Variants in SLC7A9 observed in about 807,000 individuals in gnomAD.
SLC7A9 encodes the protein solute carrier family 7 member 9, also known as B(0,+)-type amino acid transporter 1.
SLC7A9 carries 38 observed loss-of-function variants against 54.1 expected under a neutral mutation model. The observed-to-expected ratio is 0.70, with a 90% CI of 0.54 to 0.92. SLC7A9 has a LOEUF of 0.92. Ranked by LOEUF, SLC7A9 falls within the 40% of genes least tolerant of loss-of-function variation. The pLI is 0.00. For missense variants in SLC7A9, 537 were observed against 636.1 expected, an observed-to-expected ratio of 0.84 and a Z score of 1.68; for synonymous variants, 264 against 258.9, an observed-to-expected ratio of 1.02 and a Z score of -0.19.
Position 32,830,651 on chromosome 19 carries a change from T to G in SLC7A9, c.1433A>C (p.Glu478Ala). 6.2e-7 allele frequency: 1 copy of G among 1,614,062 alleles called. No homozygotes were observed. The highest frequency in any genetic ancestry group is 8.5e-7 in the Non-Finnish European group (1 of 1,179,926). ...PITMHLQMLM[E>A]VVPPEEDPE ...AGGGTCTTCCTCCGGTGGGACCACT[T>G]CCATTAGCATCTGAAGGTGCATGGT... is the stretch of plus-strand genomic sequence containing the variant. Residue 478 changes from glutamate (E) to alanine (A), a missense_variant, in exon 13 of 13, where the codon GAA becomes GCA. Coordinates refer to ENST00000023064, the MANE Select transcript of SLC7A9 (RefSeq NM_014270.5).
At chr19:32,842,876 T>G (rs1393528263) in intron 10 of SLC7A9, among the ~76,000 whole-genome samples, 2 of 152,152 alleles carry the variant, frequency 1.3e-5, no homozygotes, top group East Asian at 3.8e-4. Context: ...GTATGAATAT[T>G]ATACCAGCTT....
intron 6 of SLC7A9, 86 bp downstream of exon 6, chr19:32,862,032 C>G: frequency 1.1e-6 from 1 of 874,286 alleles, no homozygotes; most frequent in South Asian, 1.3e-5. Flanking sequence ...GAAAGGAGAA[C>G]TCATTGTTTT....
At position 32,833,284 on chromosome 19, in the gene SLC7A9, C is replaced by T; in HGVS notation, c.1264G>A (p.Val422Met). The T allele has an allele frequency of 6.2e-7, 1 of 1,614,146 alleles. No homozygotes were observed. Among genetic ancestry groups the T allele is most frequent in the Non-Finnish European group, 8.5e-7 (1 of 1,180,034 alleles). Residue 422 changes from valine (V) to methionine (M), a missense_variant, in exon 12 of 13, where the codon GTG becomes ATG. Coordinates refer to ENST00000023064, the MANE Select transcript of SLC7A9 (RefSeq NM_014270.5). Reference protein sequence around the residue: ...VIPVLMTLISVFLVLAPIISK... With the variant: ...VIPVLMTLISMFLVLAPIISK... ...ATGATTGGAGCCAGAACCAAAAACA[C>T]AGAGATGAGTGTCATCAAGACGGGA... is the stretch of plus-strand genomic sequence containing the variant.
Position 32,864,292 on chromosome 19 carries a change from C to T in SLC7A9, c.282G>A (p.Gly94=). Reference sequence around the variant, plus strand: ...CCTCCATCAGGTAGGGATACTCTCCCCCTGACTTGGTGATCATTGTGCCAA... The same window carrying T: ...CCTCCATCAGGTAGGGATACTCTCCTCCTGACTTGGTGATCATTGTGCCAA... The part of the protein sequence containing the change: ...AELGTMITKS[G]GEYPYLMEAY... Residue 94 remains glycine, a synonymous_variant, in exon 4 of 13, where the codon GGG becomes GGA. Coordinates refer to ENST00000023064, the MANE Select transcript of SLC7A9 (RefSeq NM_014270.5). The T allele has an allele frequency of 6.2e-7, 1 of 1,614,102 alleles. No individual in the cohort carries two copies. The highest frequency in any genetic ancestry group is 8.5e-7 in the Non-Finnish European group (1 of 1,179,990).
chr19:32,853,791 C>T (rs1189786469), intron 9 of SLC7A9, among the ~76,000 whole-genome samples: 1 of 151,860 alleles, frequency 6.6e-6, no homozygotes, highest in Non-Finnish European at 1.5e-5. Flanking sequence ...ATGGTATATG[C>T]CTGTAATCCC....
At chr19:32,855,647 A>G (rs1048915937) in intron 9 of SLC7A9, among the ~76,000 whole-genome samples, 3 of 152,074 alleles carry the variant, frequency 2.0e-5, no homozygotes, top group Non-Finnish European at 4.4e-5. Flanking sequence ...GCTTGCAGTG[A>G]GCCGAGATCA....
intron 9 of SLC7A9, among the ~76,000 whole-genome samples, chr19:32,857,101 G>A (rs1273839984): frequency 1.3e-5 from 2 of 151,668 alleles, no homozygotes. Flanking sequence ...AGTGAGGCGA[G>A]ATCACACCAC....
At chr19:32,865,437 G>T (rs1241001123) in intron 2 of SLC7A9, among the ~76,000 whole-genome samples, 1 of 152,200 alleles carries the variant, frequency 6.6e-6, no homozygotes, top group Non-Finnish European at 1.5e-5. Flanking sequence ...CCAAAGTGCT[G>T]GGATTGCAGG....
chr19:32,838,238 T>C (rs17272197), intron 11 of SLC7A9, among the ~76,000 whole-genome samples: 15,825 of 152,182 alleles, frequency 0.1, 1,025 homozygotes, highest in Middle Eastern at 0.16. Flanking sequence ...TCTGTTTTGT[T>C]TCCCTCCTTT....
At position 32,859,968 on chromosome 19, in the gene SLC7A9, G is replaced by C. The variant is rs1207279408; in HGVS notation, c.750-4C>G. 1.2e-6 allele frequency: 2 copies of C among 1,614,114 alleles called. No individual in the cohort carries two copies. The highest frequency in any genetic ancestry group is 1.6e-4 in the Middle Eastern group (1 of 6,062). On this transcript the variant is annotated splice_polypyrimidine_tract_variant and splice_region_variant and intron_variant, in intron 7 of 12. Coordinates refer to ENST00000023064, the MANE Select transcript of SLC7A9 (RefSeq NM_014270.5). The stretch of plus-strand genomic sequence containing the variant: ...GATAATGGCCAAAGGCAGGTTTCTG[G>C]GAGGGGCAATGACACGGAGACCCAC...
chr19:32,838,930 G>A (rs1313507160), intron 11 of SLC7A9, among the ~76,000 whole-genome samples: 1 of 151,436 alleles, frequency 6.6e-6, no homozygotes, highest in African/African-American at 2.4e-5. Flanking sequence ...TATTAACTGA[G>A]CATATAATAC....
chr19:32,848,726 C>T (rs369237829), intron 9 of SLC7A9, among the ~76,000 whole-genome samples: 2 of 152,088 alleles, frequency 1.3e-5, no homozygotes, highest in Non-Finnish European at 2.9e-5. Context: ...ATCAACAGAA[C>T]ATACATTTTT....
chr19:32,863,799 G>A (rs1449724713), intron 4 of SLC7A9, among the ~76,000 whole-genome samples: 2 of 152,168 alleles, frequency 1.3e-5, no homozygotes, highest in African/African-American at 2.4e-5. Flanking sequence ...AAAATTATCA[G>A]GGCGTGGTAA....
intron 2 of SLC7A9, among the ~76,000 whole-genome samples, chr19:32,867,741 T>C (rs544632311): frequency 6.6e-6 from 1 of 151,792 alleles, no homozygotes; most frequent in South Asian, 2.1e-4. Context: ...GGCCAGGAAT[T>C]GGAGACCAGC....
chr19:32,862,087 C>T (rs765604427), intron 6 of SLC7A9, 31 bp downstream of exon 6: 2 of 1,476,434 alleles, frequency 1.4e-6, no homozygotes, highest in African/African-American at 2.8e-5. Context: ...CCCACCCACC[C>T]CCAGACTCGG....
At chr19:32,837,692 G>T (rs753898201) in intron 11 of SLC7A9, among the ~76,000 whole-genome samples, 1 of 152,096 alleles carries the variant, frequency 6.6e-6, no homozygotes, top group African/African-American at 2.4e-5. Flanking sequence ...CTCGCAAGAC[G>T]TGAGACGCTT....
At chr19:32,852,272 C>G (rs184292687) in intron 9 of SLC7A9, among the ~76,000 whole-genome samples, 1 of 152,026 alleles carries the variant, frequency 6.6e-6, no homozygotes. Flanking sequence ...GGGTGGATTG[C>G]TTGAGGCCGG....
chr19:32,845,480 C>T (rs570958023), intron 9 of SLC7A9, among the ~76,000 whole-genome samples: 100 of 152,078 alleles, frequency 6.6e-4, no homozygotes, highest in African/African-American at 1.9e-3. Context: ...CCAGCCTGAG[C>T]GACAGAACAA....
At chr19:32,855,640 T>C (rs1164039791) in intron 9 of SLC7A9, among the ~76,000 whole-genome samples, 4 of 151,572 alleles carry the variant, frequency 2.6e-5, no homozygotes, top group African/African-American at 9.7e-5. Flanking sequence ...AGGTGGAGCT[T>C]GCAGTGAGCC....
Sources: allele counts gnomAD v4.1 joint callset (sites outside exome capture counted in the v4.1 genomes callset), GRCh38; gene constraint gnomAD v4.1.1; transcripts MANE v1.5; gene names NCBI Gene and HGNC (gene_info 2026-07-23, HGNC 2026-07-21).